Variants in ZNF875 observed in about 807,000 individuals in gnomAD.
The protein encoded by ZNF875 is zinc finger protein 875.
In ZNF875, 14 loss-of-function variants were observed where a neutral mutation model predicts 11.2. The observed-to-expected ratio is 1.26, with a 90% CI of 0.83 to 1.96. The LOEUF is 1.96. Among genes scored for constraint, ZNF875 ranks in the 30% most tolerant of loss-of-function variants. ZNF875 has a pLI of 0.00. For missense variants in ZNF875, 752 were observed against 760.4 expected (o/e 0.99, Z 0.13); for synonymous variants, 301 against 281.1 (o/e 1.07, Z -0.71).
intron 2 of ZNF875, chr19:37,346,340 A>G (rs1328012122): frequency 1.3e-5 from 2 of 152,192 alleles, no homozygotes; most frequent in African/African-American, 4.8e-5. Flanking sequence ...AGGTTACACT[A>G]GTTGTGGACA....
intron 4 of ZNF875, among the ~76,000 whole-genome samples, chr19:37,327,141 C>T (rs2032597783): frequency 6.6e-6 from 1 of 151,860 alleles, no homozygotes; most frequent in Non-Finnish European, 1.5e-5. Context: ...TACAGGTGCC[C>T]ACCACCATGC....
At chr19:37,336,624 C>G (rs1200784357) in intron 2 of ZNF875, among the ~76,000 whole-genome samples, 2 of 151,456 alleles carry the variant, frequency 1.3e-5, no homozygotes, top group East Asian at 4.0e-4. Context: ...AAAAATCAAC[C>G]TTGGCCAGGC....
intron 4 of ZNF875, among the ~76,000 whole-genome samples, chr19:37,325,724 T>A (rs529049431): frequency 7.2e-5 from 11 of 151,860 alleles, no homozygotes; most frequent in Admixed American, 7.2e-4. Context: ...TTTTTTTTTT[T>A]AAAGGCTGGG....
upstream of ZNF875, chr19:37,315,280 A>G (rs2030133579): frequency 6.6e-6 from 1 of 152,142 alleles, no homozygotes; most frequent in Non-Finnish European, 1.5e-5. Context: ...CCAAAATTGT[A>G]AAAGGGAAAT....
intron 4 of ZNF875, among the ~76,000 whole-genome samples, chr19:37,354,273 C>T (rs1375974717): frequency 8.7e-6 from 1 of 114,480 alleles, no homozygotes; most frequent in African/African-American, 3.3e-5. Context: ...CCCCTCCCCT[C>T]CCCTCCCCTC....
chr19:37,357,076 G>A (rs2039037682), intron 4 of ZNF875, among the ~76,000 whole-genome samples: 1 of 152,078 alleles, frequency 6.6e-6, no homozygotes, highest in African/African-American at 2.4e-5. Context: ...TATTGAATAG[G>A]GTGTCCTTTC....
At chr19:37,348,017 A>G in intron 4 of ZNF875, 145 bp downstream of exon 4, 1 of 596,638 alleles carries the variant, frequency 1.7e-6, no homozygotes, top group Non-Finnish European at 3.0e-6. Context: ...TCTTTCCGGA[A>G]CATAATCTTC....
At chr19:37,338,906 A>T (rs2035083360) in intron 2 of ZNF875, among the ~76,000 whole-genome samples, 1 of 152,214 alleles carries the variant, frequency 6.6e-6, no homozygotes, top group Non-Finnish European at 1.5e-5. Flanking sequence ...CTATCTTAGG[A>T]CATTAGGTAT....
At chr19:37,335,020 C>T in intron 1 of ZNF875, 149 bp from the exon 2 acceptor site, 1 of 558,584 alleles carries the variant, frequency 1.8e-6, no homozygotes, top group Non-Finnish European at 3.3e-6. Flanking sequence ...GCTGGGTCAT[C>T]CTGGCCCCCC....
At chr19:37,340,564 C>T (rs978913541) in intron 2 of ZNF875, among the ~76,000 whole-genome samples, 4 of 151,630 alleles carry the variant, frequency 2.6e-5, no homozygotes, top group African/African-American at 9.7e-5. Flanking sequence ...AATATTGTAT[C>T]CTGTTGTCTG....
chr19:37,331,205 A>T (rs1229982036), upstream of ZNF875, among the ~76,000 whole-genome samples: 1 of 149,302 alleles, frequency 6.7e-6, no homozygotes, highest in Non-Finnish European at 1.5e-5. Context: ...AAAAAAAAAA[A>T]AGTGTATAGA....
chr19:37,337,104 C>A (rs1248964961), intron 2 of ZNF875: 1 of 152,264 alleles, frequency 6.6e-6, no homozygotes, highest in South Asian at 2.1e-4. Flanking sequence ...CTGCACTGTT[C>A]TTTGGTGTCA....
At chr19:37,324,824 G>C (rs1029892646) in intron 4 of ZNF875, 6 of 162,482 alleles carry the variant, frequency 3.7e-5, no homozygotes, top group African/African-American at 1.5e-4. Flanking sequence ...GCCCAGGCTG[G>C]AGTGTAGTAT....
chr19:37,363,478 G>T lies in ZNF875; in HGVS notation c.1626G>T (p.Arg542Ser). Residue 542 changes from arginine to serine, a missense_variant, in exon 5 of 5, where the codon AGG (arginine) becomes AGT (serine). By Grantham distance (110) the Arg-to-Ser change is moderately radical (BLOSUM62 -1). Coordinates refer to ENST00000392153, the MANE Select transcript of ZNF875 (RefSeq NM_001353803.2). ...TTATGTGCAGGGAGTGTGGCAGAAG[G>T]TTTCGGCAGAAGCCTAACCTGTTTA... The part of the protein sequence containing the change: ...KPFMCRECGR[R>S]FRQKPNLFRH... 3 of 1,612,940 alleles carry T rather than the reference G, an allele frequency of 1.9e-6. No individual in the cohort carries two copies. The highest frequency in any genetic ancestry group is 2.5e-6 in the Non-Finnish European group (3 of 1,179,578).
At chr19:37,349,985 A>C (rs1311852729) in intron 4 of ZNF875, among the ~76,000 whole-genome samples, 2 of 68,844 alleles carry the variant, frequency 2.9e-5, no homozygotes, top group Non-Finnish European at 5.5e-5. Context: ...TTTTTTTTTA[A>C]TACAGAGTCT....
At chr19:37,341,218 T>A (rs545055976) in intron 2 of ZNF875, among the ~76,000 whole-genome samples, 89 of 152,338 alleles carry the variant, frequency 5.8e-4, no homozygotes, top group Non-Finnish European at 1.1e-3. Flanking sequence ...TATCAGCCTT[T>A]GCTGTATAAT....
At chr19:37,334,075 G>T (rs1568576994), upstream of ZNF875, among the ~76,000 whole-genome samples, 1 of 152,030 alleles carries the variant, frequency 6.6e-6, no homozygotes, top group Admixed American at 6.5e-5. Context: ...AAAATCCTAG[G>T]GACACGCGAC....
chr19:37,333,666 T>G (rs981453934), upstream of ZNF875, among the ~76,000 whole-genome samples: 3 of 152,072 alleles, frequency 2.0e-5, no homozygotes, highest in African/African-American at 7.2e-5. Context: ...AAGGAAAAGA[T>G]GACTCACTGA....
chr19:37,331,584 G>A (rs1032908294), upstream of ZNF875, among the ~76,000 whole-genome samples: 5 of 148,298 alleles, frequency 3.4e-5, no homozygotes, highest in Admixed American at 1.4e-4. Flanking sequence ...GATTAAGGGC[G>A]GTGCAAGATG....
Sources: allele counts gnomAD v4.1 joint callset (sites outside exome capture counted in the v4.1 genomes callset), GRCh38; gene constraint gnomAD v4.1.1; transcripts MANE v1.5; gene names NCBI Gene and HGNC (gene_info 2026-07-23, HGNC 2026-07-21).